Variants in FRK observed in about 807,000 individuals in gnomAD.
FRK encodes tyrosine-protein kinase FRK.
Under a neutral mutation model 56.4 loss-of-function variants are expected in FRK, and 51 were observed. The ratio of observed to expected loss-of-function variants is 0.90; its 90% CI spans 0.72 to 1.14. The LOEUF (loss-of-function observed/expected upper bound fraction) is 1.14, where lower values mean the gene tolerates loss of function less well. Among genes scored for constraint, FRK ranks in the 50% most tolerant of loss-of-function variants. The pLI, the probability that FRK is intolerant of heterozygous loss-of-function variation, is 0.00. For missense variants in FRK, 570 were observed against 601.4 expected (o/e 0.95, Z 0.55); for synonymous variants, 245 against 217.9 (o/e 1.12, Z -1.10).
intron 1 of FRK, among the ~76,000 whole-genome samples, chr6:116,041,596 A>T (rs1362323106): frequency 6.6e-6 from 1 of 152,152 alleles, no homozygotes; most frequent in Admixed American, 6.5e-5. Context: ...CAGCCCACAG[A>T]GGGCAAGCAG....
At chr6:116,100,467 A>C in the FRK span, among the ~76,000 whole-genome samples, 3 of 152,200 alleles carry the variant, frequency 2.0e-5, no homozygotes, top group Non-Finnish European at 4.4e-5. Flanking sequence ...TATTCCTCAC[A>C]CAGGGGTAAA....
At chr6:116,011,965 G>A (rs1775490556) in intron 1 of FRK, among the ~76,000 whole-genome samples, 1 of 151,932 alleles carries the variant, frequency 6.6e-6, no homozygotes, top group Non-Finnish European at 1.5e-5. Context: ...CCACTCACAT[G>A]GAATGATAAG....
chr6:116,004,220 A>G (rs1252995839), intron 1 of FRK, among the ~76,000 whole-genome samples: 1 of 152,106 alleles, frequency 6.6e-6, no homozygotes, highest in Non-Finnish European at 1.5e-5. Context: ...CAGGAATTTG[A>G]TTATGCCCAC....
At chr6:116,093,265 C>G in the FRK span, among the ~76,000 whole-genome samples, 1 of 152,146 alleles carries the variant, frequency 6.6e-6, no homozygotes, top group Non-Finnish European at 1.5e-5. Context: ...AAAAAACCCC[C>G]GGGCTATCAG....
At chr6:116,070,243 C>T in the FRK span, among the ~76,000 whole-genome samples, 2 of 151,864 alleles carry the variant, frequency 1.3e-5, no homozygotes, top group African/African-American at 4.8e-5. Context: ...CTCTTTACCA[C>T]ACAGCTGCTT....
the FRK span, among the ~76,000 whole-genome samples, chr6:116,091,477 T>G: frequency 6.6e-6 from 1 of 152,132 alleles, no homozygotes. Flanking sequence ...CTTTAAGAGC[T>G]CTAACACTCA....
intron 4 of FRK, among the ~76,000 whole-genome samples, chr6:115,958,267 G>A (rs1773090236): frequency 1.2e-5 from 1 of 86,498 alleles, no homozygotes. Flanking sequence ...ATATAGTGGG[G>A]AATCCCCCCA....
intron 1 of FRK, chr6:116,038,899 C>T (rs546486847): frequency 6.7e-5 from 40 of 594,840 alleles, no homozygotes; most frequent in Non-Finnish European, 1.1e-4. Flanking sequence ...CTGCCTATAC[C>T]GACTTTGCCC....
Position 116,060,321 on chromosome 6 carries a change from G to T in FRK, c.-10C>A, listed in dbSNP as rs758736178. 3 of 1,605,542 alleles carry T rather than the reference G, an allele frequency of 1.9e-6. No individual in the cohort carries two copies. The highest frequency in any genetic ancestry group is 2.7e-5 in the African/African-American group (2 of 74,644). ...GACAGATGTTGCTCATTGTGCCTTGGTGGGGAGAAGAGGAGCAGGGCTTCT... is the reference window on the plus strand; with the variant it reads ...GACAGATGTTGCTCATTGTGCCTTGTTGGGGAGAAGAGGAGCAGGGCTTCT... On this transcript the variant is annotated 5_prime_UTR_variant, in exon 1 of 8. Coordinates refer to ENST00000606080, the MANE Select transcript of FRK (RefSeq NM_002031.3).
intron 2 of FRK, among the ~76,000 whole-genome samples, chr6:115,975,421 T>C (rs1773955998): frequency 6.6e-6 from 1 of 152,200 alleles, no homozygotes; most frequent in Admixed American, 6.6e-5. Flanking sequence ...TATTCATAAA[T>C]AATCAAATAC....
chr6:116,085,603 A>G, the FRK span, among the ~76,000 whole-genome samples: 1 of 152,192 alleles, frequency 6.6e-6, no homozygotes, highest in Non-Finnish European at 1.5e-5. Context: ...ACTGTTCTTA[A>G]TACAATGTCT....
In FRK at chr6:115,986,888, C is replaced by G. The variant is rs147106647; in HGVS notation, c.466+16989G>C. On this transcript the variant is annotated intron_variant, in intron 2 of 7. Coordinates refer to ENST00000606080, the MANE Select transcript of FRK (RefSeq NM_002031.3). ...TGCTCTGTGGGCATCCCTTCTACCC[C>G]TGATAGCAGCTCCATTAATTTGCCT... Among the ~76,000 whole-genome samples, 201 of 152,246 alleles carry G rather than the reference C, an allele frequency of 1.3e-3. 1 individual carries two copies. Among genetic ancestry groups the G allele is most frequent in the African/African-American group, 4.7e-3 (197 of 41,562 alleles).
At chr6:116,004,282 C>T (rs1337422015) in intron 1 of FRK, among the ~76,000 whole-genome samples, 1 of 152,044 alleles carries the variant, frequency 6.6e-6, no homozygotes, top group African/African-American at 2.4e-5. Flanking sequence ...CTGAGCCTTC[C>T]CTCTATCAAA....
intron 2 of FRK, among the ~76,000 whole-genome samples, chr6:115,973,928 A>G (rs960092347): frequency 3.3e-5 from 5 of 151,932 alleles, no homozygotes; most frequent in African/African-American, 1.2e-4. Flanking sequence ...ATATCATGTT[A>G]GTCCCAATTC....
chr6:115,933,882 C>A lies in FRK; in HGVS notation c.*8532G>T, dbSNP rs748566055. On this transcript the variant is annotated 3_prime_UTR_variant, in exon 8 of 8. Transcript: ENST00000606080. ...TTTGAAAGATTAGTGTTGATCTTAT[C>A]TTAGAAATACTGTTTATAAAGGAAT... 6.6e-6 allele frequency: 1 copy of A among 152,014 alleles called. No individual in the cohort carries two copies. The highest frequency in any genetic ancestry group is 1.5e-5 in the Non-Finnish European group (1 of 68,004). The allele number at this position is 152,014 out of a possible 1,614,324, so 9.4% of individuals were successfully genotyped here.
chr6:116,079,652 A>G, the FRK span, among the ~76,000 whole-genome samples: 2 of 152,158 alleles, frequency 1.3e-5, no homozygotes, highest in African/African-American at 4.8e-5. Flanking sequence ...GTGCAGTGGC[A>G]CGGTCATGGC....
intron 2 of FRK, among the ~76,000 whole-genome samples, chr6:115,986,500 A>G (rs1158674848): frequency 6.6e-6 from 1 of 152,164 alleles, no homozygotes; most frequent in Non-Finnish European, 1.5e-5. Flanking sequence ...TAATGTTTAA[A>G]AAATATCAAC....
chr6:116,063,736 A>C (rs1777698794), upstream of FRK, among the ~76,000 whole-genome samples: 1 of 152,226 alleles, frequency 6.6e-6, no homozygotes. Context: ...ATACAATAAT[A>C]ATTTGTCAAT....
At chr6:116,012,575 A>G (rs1204987835) in intron 1 of FRK, among the ~76,000 whole-genome samples, 10 of 152,220 alleles carry the variant, frequency 6.6e-5, no homozygotes, top group Non-Finnish European at 1.2e-4. Context: ...ATAACTTCAC[A>G]TATCTGTGGC....
Sources: gnomAD v4.1 joint callset for allele counts (sites outside exome capture counted in the v4.1 genomes callset) on GRCh38, gnomAD v4.1.1 for gene constraint, MANE v1.5 for transcripts, NCBI Gene and HGNC (gene_info 2026-07-23, HGNC 2026-07-21) for gene names.